Variants in LOC400499 observed in about 807,000 individuals in gnomAD.
At chr16:11,457,395 C>G in the LOC400499 span, among the ~76,000 whole-genome samples, 1 of 151,764 alleles carries the variant, frequency 6.6e-6, no homozygotes, top group African/African-American at 2.4e-5. Flanking sequence ...AGATCAAGAC[C>G]ATCCCAGCTA....
the LOC400499 span, among the ~76,000 whole-genome samples, chr16:11,467,765 T>C: frequency 6.6e-6 from 1 of 151,998 alleles, no homozygotes; most frequent in African/African-American, 2.4e-5. Context: ...ACTAAAAATA[T>C]TTGCAAATCT....
the LOC400499 span, among the ~76,000 whole-genome samples, chr16:11,452,193 GTTTT>G: frequency 2.6e-5 from 3 of 116,190 alleles, no homozygotes; most frequent in Admixed American, 8.8e-5. Flanking sequence ...TGGTTGCTCA[GTTTT>G]TTTGTTTGTT....
chr16:11,485,702 A>T, the LOC400499 span, among the ~76,000 whole-genome samples: 1 of 151,652 alleles, frequency 6.6e-6, no homozygotes, highest in Non-Finnish European at 1.5e-5. Context: ...TTCCTTTCTT[A>T]TGGACCCCTC....
At chr16:11,469,467 G>C in the LOC400499 span, 1 of 399,052 alleles carries the variant, frequency 2.5e-6, no homozygotes, top group East Asian at 3.6e-5. Flanking sequence ...GTGTGGCACC[G>C]AGTGAGGGGC....
At chr16:11,404,202 C>G in the LOC400499 span, among the ~76,000 whole-genome samples, 1 of 152,150 alleles carries the variant, frequency 6.6e-6, no homozygotes, top group Non-Finnish European at 1.5e-5. Flanking sequence ...CACAGCCTTT[C>G]CCACTCGTGG....
chr16:11,478,297 G>C, the LOC400499 span, among the ~76,000 whole-genome samples: 1 of 149,590 alleles, frequency 6.7e-6, no homozygotes, highest in African/African-American at 2.4e-5. Context: ...CAAAGTGCTG[G>C]GATTACAGGC....
At chr16:11,395,776 G>A in the LOC400499 span, among the ~76,000 whole-genome samples, 1 of 152,240 alleles carries the variant, frequency 6.6e-6, no homozygotes, top group Non-Finnish European at 1.5e-5. Flanking sequence ...GGGAGACAGA[G>A]GAGGTGGATG....
At chr16:11,465,475 G>C in the LOC400499 span, 1 of 152,116 alleles carries the variant, frequency 6.6e-6, no homozygotes, top group Non-Finnish European at 1.5e-5. Context: ...GGCAGACACA[G>C]AACTTCAACA....
At chr16:11,467,337 T>C in the LOC400499 span, 1 of 141,024 alleles carries the variant, frequency 7.1e-6, no homozygotes, top group South Asian at 2.2e-4. Flanking sequence ...AAACTGGGAG[T>C]GGAGGCTCAC....
chr16:11,423,781 C>T, the LOC400499 span, among the ~76,000 whole-genome samples: 1 of 152,188 alleles, frequency 6.6e-6, no homozygotes, highest in Non-Finnish European at 1.5e-5. Context: ...AACTGAGAGA[C>T]CAGGGCCTCT....
chr16:11,403,888 G>A, the LOC400499 span, among the ~76,000 whole-genome samples: 10,746 of 152,188 alleles, frequency 0.071, 523 homozygotes, highest in Non-Finnish European at 0.11. Context: ...CTCCCTGCCC[G>A]GCTGCACTCA....
chr16:11,424,144 G>C, the LOC400499 span: 233 of 399,330 alleles, frequency 5.8e-4, no homozygotes, highest in Non-Finnish European at 9.1e-4. Context: ...GAGAAGGGGA[G>C]GCCCCAGTGC....
chr16:11,507,141 C>T, the LOC400499 span, among the ~76,000 whole-genome samples: 1 of 152,170 alleles, frequency 6.6e-6, no homozygotes, highest in East Asian at 1.9e-4. Flanking sequence ...GTCAGGGGTC[C>T]TCTTGGGGCC....
At chr16:11,456,989 G>C in the LOC400499 span, 3 of 1,535,852 alleles carry the variant, frequency 2.0e-6, no homozygotes, top group Admixed American at 2.0e-5. Context: ...GGCTCAAGTG[G>C]TAAAGCTGCA....
the LOC400499 span, among the ~76,000 whole-genome samples, chr16:11,477,557 G>A: frequency 2.7e-4 from 41 of 152,244 alleles, no homozygotes; most frequent in Admixed American, 8.5e-4. Context: ...TGGGTGGGGT[G>A]GATGGAAGGG....
At chr16:11,460,665 A>G in the LOC400499 span, 1 of 1,475,090 alleles carries the variant, frequency 6.8e-7, no homozygotes. Flanking sequence ...GCCCTCCACC[A>G]GGGCTCCAAG....
the LOC400499 span, chr16:11,461,107 C>G: frequency 2.0e-6 from 3 of 1,535,372 alleles, no homozygotes; most frequent in Admixed American, 2.0e-5. Context: ...CTCCTCCTTC[C>G]TCTCCAGCAG....
At chr16:11,503,720 C>T in the LOC400499 span, among the ~76,000 whole-genome samples, 2 of 152,226 alleles carry the variant, frequency 1.3e-5, no homozygotes, top group African/African-American at 4.8e-5. Flanking sequence ...ACCAGAGTCC[C>T]GGCAGCCTTC....
chr16:11,391,229 G>A, the LOC400499 span, among the ~76,000 whole-genome samples: 2 of 152,234 alleles, frequency 1.3e-5, no homozygotes, highest in Admixed American at 6.5e-5. Flanking sequence ...GCCCTGGATG[G>A]CGGAGAGGCC....
Sources: gnomAD v4.1 joint callset for allele counts (sites outside exome capture counted in the v4.1 genomes callset) on GRCh38, gnomAD v4.1.1 for gene constraint, MANE v1.5 for transcripts.